TMEM181: variants seen among roughly 807,000 people sequenced by gnomAD.
TMEM181 encodes G protein-coupled receptor 178.
A neutral mutation model predicts 71.9 loss-of-function variants in TMEM181; 39 were observed. The ratio of observed to expected loss-of-function variants is 0.54; its 90% CI spans 0.42 to 0.71. TMEM181 has a LOEUF of 0.71. Ranked by LOEUF, TMEM181 falls within the 30% of genes least tolerant of loss-of-function variation. The pLI is 0.00. For synonymous variants in TMEM181, 245 were observed against 228.8 expected (o/e 1.07, Z -0.64); for missense variants, 595 against 583.0 (o/e 1.02, Z -0.21).
chr6:158,553,897 G>C (rs947587999), intron 1 of TMEM181, among the ~76,000 whole-genome samples: 2 of 151,866 alleles, frequency 1.3e-5, no homozygotes, highest in African/African-American at 4.8e-5. Flanking sequence ...TTTGTTCAAT[G>C]CTGTTTCATT....
At chr6:158,564,433 A>G (rs574642507) in intron 1 of TMEM181, among the ~76,000 whole-genome samples, 53 of 152,328 alleles carry the variant, frequency 3.5e-4, no homozygotes, top group Non-Finnish European at 1.5e-5. Context: ...CCAGCCTGGT[A>G]CCAAATAGGT....
intron 11 of TMEM181, among the ~76,000 whole-genome samples, chr6:158,624,687 C>T (rs765486306): frequency 3.2e-4 from 48 of 152,222 alleles, no homozygotes; most frequent in Admixed American, 7.2e-4. Context: ...ATGGTTAAGA[C>T]GGCGCGTGGA....
chr6:158,566,296 T>C (rs1393771350), intron 1 of TMEM181, among the ~76,000 whole-genome samples: 1 of 151,718 alleles, frequency 6.6e-6, no homozygotes, highest in East Asian at 1.9e-4. Flanking sequence ...GAGCAGGCCA[T>C]TGTTCATACC....
chr6:158,621,097 G>A (rs924676896), intron 10 of TMEM181, among the ~76,000 whole-genome samples: 2 of 152,152 alleles, frequency 1.3e-5, no homozygotes, highest in Non-Finnish European at 2.9e-5. Flanking sequence ...TAGCCCCCAC[G>A]TCTGCTTTTA....
upstream of TMEM181, among the ~76,000 whole-genome samples, chr6:158,559,484 A>G (rs1432870496): frequency 6.6e-6 from 1 of 152,224 alleles, no homozygotes; most frequent in Non-Finnish European, 1.5e-5. Flanking sequence ...AATCTCAGAA[A>G]TAGCCAAACC....
chr6:158,572,321 A>T, intron 1 of TMEM181: 1 of 444,770 alleles, frequency 2.2e-6, no homozygotes, highest in South Asian at 1.6e-5. Context: ...TACTATGTCC[A>T]TCTCCCTGGG....
chr6:158,573,396 C>G (rs560482435), intron 1 of TMEM181, 24 bp from the exon 2 acceptor site: 3 of 1,559,108 alleles, frequency 1.9e-6, no homozygotes, highest in Non-Finnish European at 2.6e-6. Context: ...CTGACCGTCC[C>G]TCACTGCTGG....
In TMEM181 at chr6:158,629,787, T is replaced by C. The variant is rs1786556837; in HGVS notation, c.1250T>C (p.Phe417Ser). The C allele has an allele frequency of 1.9e-6, 3 of 1,614,090 alleles. No homozygotes were observed. Among genetic ancestry groups the C allele is most frequent in the Non-Finnish European group, 2.5e-6 (3 of 1,179,982 alleles). ...AACTTCTATCTCTACACCTTGGCCTTTGTATATTCTCCATCGAAGAATGCC... is the reference window on the plus strand; with the variant it reads ...AACTTCTATCTCTACACCTTGGCCTCTGTATATTCTCCATCGAAGAATGCC... ...LLNFYLYTLA[F>S]VYSPSKNALY... Residue 417 changes from phenylalanine to serine, a missense_variant, in exon 15 of 17, where the codon TTT becomes TCT. By Grantham distance (155) the Phe-to-Ser change is radical. Coordinates refer to ENST00000684151, the MANE Select transcript of TMEM181 (RefSeq NM_001376852.1).
intron 10 of TMEM181, among the ~76,000 whole-genome samples, chr6:158,618,308 T>TTTG (rs376129600): frequency 1.9e-3 from 286 of 151,862 alleles, no homozygotes; most frequent in Admixed American, 2.9e-3. Context: ...AACCCCTGCT[T>TTTG]TTGTTGTTGT....
chr6:158,565,307 G>A (rs1782425645), intron 1 of TMEM181, among the ~76,000 whole-genome samples: 1 of 152,190 alleles, frequency 6.6e-6, no homozygotes, highest in Non-Finnish European at 1.5e-5. Context: ...ATGTGGGAGG[G>A]GTAGGCACTT....
At position 158,628,417 on chromosome 6, in the gene TMEM181, C is replaced by T. The variant is rs200561894; in HGVS notation, c.1119C>T (p.Ile373=). The change falls in exon 14 of 17, where the codon ATC becomes ATT. Residue 373 remains isoleucine, a synonymous_variant. Transcript: ENST00000684151. ...CCTCTGTCTTGTTCAGCATCGCCATCCTTTATTTGAGATTTGGGGCGCAAG... is the reference window on the plus strand; with the variant it reads ...CCTCTGTCTTGTTCAGCATCGCCATTCTTTATTTGAGATTTGGGGCGCAAG... The part of the protein sequence containing the change: ...TFVVLVISIA[I]LYLRFGAQVL... 1.1e-5 allele frequency: 18 copies of T among 1,614,206 alleles called. No homozygotes were observed. The African/African-American group carries it at 1.6e-4, about 14-fold the overall frequency.
chr6:158,585,676 A>C (rs942040958), intron 5 of TMEM181, among the ~76,000 whole-genome samples: 1 of 152,204 alleles, frequency 6.6e-6, no homozygotes, highest in Non-Finnish European at 1.5e-5. Context: ...GCACATATGC[A>C]TGCACACACA....
chr6:158,618,308 T>TTTGTTGTTG (rs376129600), intron 10 of TMEM181, among the ~76,000 whole-genome samples: 25,887 of 151,782 alleles, frequency 0.17, 2,380 homozygotes, highest in African/African-American at 0.24. Flanking sequence ...AACCCCTGCT[T>TTTGTTGTTG]TTGTTGTTGT....
intron 1 of TMEM181, among the ~76,000 whole-genome samples, chr6:158,565,317 T>G (rs1160254972): frequency 1.3e-5 from 2 of 152,128 alleles, no homozygotes; most frequent in Non-Finnish European, 2.9e-5. Context: ...GGTAGGCACT[T>G]AGTGGGCAAA....
At chr6:158,572,803 G>A (rs923219764) in intron 1 of TMEM181, among the ~76,000 whole-genome samples, 3 of 152,194 alleles carry the variant, frequency 2.0e-5, no homozygotes, top group African/African-American at 2.4e-5. Context: ...GGCAGCGTCC[G>A]TGTTGGGTGG....
intron 1 of TMEM181, among the ~76,000 whole-genome samples, chr6:158,550,111 G>T (rs1423735697): frequency 1.3e-4 from 20 of 152,034 alleles, no homozygotes; most frequent in Non-Finnish European, 4.4e-5. Context: ...ACCTGTCTTG[G>T]GTTGCTGGTC....
intron 10 of TMEM181, among the ~76,000 whole-genome samples, chr6:158,618,081 T>TAA (rs201058567): frequency 0.024 from 3,667 of 152,308 alleles, 66 homozygotes; most frequent in Non-Finnish European, 0.037. Context: ...AGTGGGGTGT[T>TAA]AAAGTCTCCC....
rs138563626 is a variant in TMEM181 at position 158,618,222 on chromosome 6, C to T, written c.897-5328C>T. 4.6e-5 allele frequency among the ~76,000 whole-genome samples: 7 copies of T among 152,310 alleles called. No individual in the cohort carries two copies. In the East Asian group the frequency reaches 1.3e-3, roughly 29 times the overall value. On this transcript the variant is annotated intron_variant, in intron 10 of 16. Coordinates refer to ENST00000684151, the MANE Select transcript of TMEM181 (RefSeq NM_001376852.1). ...TCTTCTTGTTGCATTGATCCCTTTA[C>T]CATTATGTAATGGCCTTCTTTGTCT...
chr6:158,573,837 G>A (rs1783015147), intron 2 of TMEM181, among the ~76,000 whole-genome samples: 1 of 152,162 alleles, frequency 6.6e-6, no homozygotes. Flanking sequence ...CCAGCTGGGC[G>A]CTGGTGTGTC....
Sources: gnomAD v4.1 joint callset for allele counts (sites outside exome capture counted in the v4.1 genomes callset) on GRCh38, gnomAD v4.1.1 for gene constraint, MANE v1.5 for transcripts, NCBI Gene and HGNC (gene_info 2026-07-23, HGNC 2026-07-21) for gene names.